Variants in RCAN2 observed in about 807,000 individuals in gnomAD.
The protein encoded by RCAN2 is calcipressin-2.
Under a neutral mutation model 23.6 loss-of-function variants are expected in RCAN2, and 9 were observed. That is an observed-to-expected ratio of 0.38 (90% CI 0.23 to 0.67). RCAN2 has a LOEUF of 0.67. Among genes scored for constraint, RCAN2 ranks in the 30% least tolerant of loss-of-function variants. RCAN2 has a pLI of 0.51. For synonymous variants in RCAN2, 109 were observed against 115.7 expected (o/e 0.94, Z 0.37); for missense variants, 273 against 302.3 (o/e 0.90, Z 0.72).
intron 2 of RCAN2, among the ~76,000 whole-genome samples, chr6:46,450,695 AATATTACATAATCTCACTTACATGTAG>A: frequency 6.6e-6 from 1 of 152,084 alleles, no homozygotes; most frequent in Non-Finnish European, 1.5e-5. Flanking sequence ...CAGAAAGACA[AATATTACATAATCTCACTTACATGTAG>A]AGGATAAAAA....
At chr6:46,432,464 C>T (rs1025784800) in intron 2 of RCAN2, among the ~76,000 whole-genome samples, 10 of 152,052 alleles carry the variant, frequency 6.6e-5, no homozygotes, top group African/African-American at 2.2e-4. Flanking sequence ...TTGCTGGCCT[C>T]GGCTTCCCAA....
intron 2 of RCAN2, among the ~76,000 whole-genome samples, chr6:46,386,261 GA>G (rs1211872340): frequency 6.6e-6 from 1 of 151,814 alleles, no homozygotes; most frequent in Admixed American, 6.6e-5. Context: ...CAACAAACAT[GA>G]AAAAAAGCTC....
At chr6:46,240,796 C>T (rs564728668) in intron 4 of RCAN2, among the ~76,000 whole-genome samples, 3 of 152,066 alleles carry the variant, frequency 2.0e-5, no homozygotes, top group Non-Finnish European at 4.4e-5. Context: ...AATATCTTTT[C>T]CCATTGGGGA....
At chr6:46,316,514 G>A (rs1398550932) in intron 2 of RCAN2, among the ~76,000 whole-genome samples, 3 of 152,154 alleles carry the variant, frequency 2.0e-5, no homozygotes, top group African/African-American at 7.2e-5. Context: ...CCTCTTTAGA[G>A]GTCATAACAG....
intron 1 of RCAN2, among the ~76,000 whole-genome samples, chr6:46,460,325 G>C (rs1271221543): frequency 6.6e-6 from 1 of 152,180 alleles, no homozygotes; most frequent in African/African-American, 2.4e-5. Flanking sequence ...GTTTCACAAA[G>C]TGCTGGGATT....
intron 2 of RCAN2, among the ~76,000 whole-genome samples, chr6:46,279,482 T>C (rs1767829125): frequency 6.6e-6 from 1 of 152,200 alleles, no homozygotes; most frequent in Non-Finnish European, 1.5e-5. Context: ...ATCCACTAAA[T>C]GCCAGTAGCA....
At position 46,457,081 on chromosome 6, in the gene RCAN2, G is replaced by T. The variant is rs914721454; in HGVS notation, c.-2-103C>A. The T allele has an allele frequency of 5.3e-5, 38 of 714,770 alleles. 1 individual carries two copies. The highest frequency in any genetic ancestry group is 1.3e-4 in the Admixed American group (5 of 38,900). 44.3% of individuals were successfully genotyped at this position (714,770 alleles called of 1,614,324 possible). On this transcript the variant is annotated intron_variant, in intron 1 of 4. Coordinates refer to ENST00000371374, the MANE Select transcript of RCAN2 (RefSeq NM_001251974.2). ...TGTCAGGGGCAGAACAGTGGAGTACGATTAGGAGCAGAGGCAGGGGATATT... is the reference window on the plus strand; with the variant it reads ...TGTCAGGGGCAGAACAGTGGAGTACTATTAGGAGCAGAGGCAGGGGATATT...
intron 2 of RCAN2, among the ~76,000 whole-genome samples, chr6:46,435,878 T>C (rs546214225): frequency 1.4e-3 from 211 of 152,366 alleles, no homozygotes; most frequent in Non-Finnish European, 2.4e-3. Flanking sequence ...ATCTAGTCTT[T>C]GTAACTATAC....
chr6:46,359,512 CATTCTA>C (rs1764938347), intron 2 of RCAN2, among the ~76,000 whole-genome samples: 2 of 152,298 alleles, frequency 1.3e-5, no homozygotes, highest in South Asian at 2.1e-4. Context: ...ACACTAATTT[CATTCTA>C]ATTCTATCAG....
chr6:46,390,382 T>C (rs1324576075), intron 2 of RCAN2, among the ~76,000 whole-genome samples: 1 of 152,234 alleles, frequency 6.6e-6, no homozygotes. Context: ...TTGTTCTCAC[T>C]GCATTTGTGG....
chr6:46,322,151 C>A (rs552460774), intron 2 of RCAN2, among the ~76,000 whole-genome samples: 1 of 152,344 alleles, frequency 6.6e-6, no homozygotes. Flanking sequence ...GGATCTCTTT[C>A]ATTTTCCCAA....
chr6:46,247,012 C>G, intron 3 of RCAN2, 93 bp from the exon 4 acceptor site: 1 of 1,095,400 alleles, frequency 9.1e-7, no homozygotes, highest in South Asian at 1.8e-5. Flanking sequence ...TTTCAGCCTG[C>G]GACAAATGAA....
rs73453009 is a variant in RCAN2 at position 46,358,410 on chromosome 6, A to C, written c.225+98342T>G. Among the ~76,000 whole-genome samples, 470 of 152,244 alleles carry C rather than the reference A, an allele frequency of 3.1e-3. 4 individuals carry two copies. Among genetic ancestry groups the C allele is most frequent in the African/African-American group, 0.011 (457 of 41,536 alleles). On this transcript the variant is annotated intron_variant, in intron 2 of 4. Coordinates refer to ENST00000371374, the MANE Select transcript of RCAN2 (RefSeq NM_001251974.2). ...AGACACCAGGCCCCCAGATATCTCC[A>C]AAGGTGGTGGAAGGGCCTGAGAGTC...
chr6:46,483,569 T>C (rs1768920419), intron 1 of RCAN2, among the ~76,000 whole-genome samples: 1 of 152,168 alleles, frequency 6.6e-6, no homozygotes, highest in Admixed American at 6.5e-5. Flanking sequence ...CCTTTGAAAA[T>C]CTGACTGAGT....
intron 2 of RCAN2, among the ~76,000 whole-genome samples, chr6:46,386,269 G>T (rs1765742919): frequency 6.6e-6 from 1 of 151,978 alleles, no homozygotes; most frequent in African/African-American, 2.4e-5. Flanking sequence ...ATGAAAAAAA[G>T]CTCAACATCA....
At chr6:46,433,609 G>C (rs1767278754) in intron 2 of RCAN2, among the ~76,000 whole-genome samples, 1 of 152,068 alleles carries the variant, frequency 6.6e-6, no homozygotes, top group South Asian at 2.1e-4. Flanking sequence ...TTGGAGGAAG[G>C]GGCTACAAGT....
chr6:46,480,647 C>T (rs1328096879), intron 1 of RCAN2, among the ~76,000 whole-genome samples: 3 of 149,620 alleles, frequency 2.0e-5, no homozygotes, highest in Non-Finnish European at 3.0e-5. Context: ...TTTTTTGAGA[C>T]GGAGTCTTCG....
chr6:46,223,981 A>G (rs1765565869), intron 4 of RCAN2, among the ~76,000 whole-genome samples: 1 of 152,240 alleles, frequency 6.6e-6, no homozygotes, highest in Non-Finnish European at 1.5e-5. Flanking sequence ...CTGTTCATAA[A>G]GGCTACAAGG....
chr6:46,376,778 G>T (rs1359057917), intron 2 of RCAN2, among the ~76,000 whole-genome samples: 1 of 151,920 alleles, frequency 6.6e-6, no homozygotes, highest in Admixed American at 6.6e-5. Context: ...AGAGGACAAT[G>T]ACCAGGTCTT....
Sources: gnomAD v4.1 joint callset for allele counts (sites outside exome capture counted in the v4.1 genomes callset) on GRCh38, gnomAD v4.1.1 for gene constraint, MANE v1.5 for transcripts, NCBI Gene and HGNC (gene_info 2026-07-23, HGNC 2026-07-21) for gene names.